PARP8: variants seen among roughly 807,000 people sequenced by gnomAD.
PARP8 encodes poly(ADP-ribose) polymerase family member 8.
PARP8 carries 51 observed loss-of-function variants against 124.1 expected under a neutral mutation model. That is an observed-to-expected ratio of 0.41 (90% CI 0.33 to 0.52). The LOEUF (loss-of-function observed/expected upper bound fraction) is 0.52, where lower values mean the gene tolerates loss of function less well. Among genes scored for constraint, PARP8 ranks in the 20% least tolerant of loss-of-function variants. The pLI, the probability that PARP8 is intolerant of heterozygous loss-of-function variation, is 0.21. For synonymous variants in PARP8, 391 were observed against 361.5 expected (o/e 1.08, Z -0.93); for missense variants, 860 against 1,018.9 (o/e 0.84, Z 2.12).
intron 2 of PARP8, among the ~76,000 whole-genome samples, chr5:50,701,965 A>G (rs1284191313): frequency 6.6e-6 from 1 of 152,178 alleles, no homozygotes; most frequent in Non-Finnish European, 1.5e-5. Flanking sequence ...TTGGGGAGTT[A>G]TAATCATTTT....
At chr5:50,785,300 G>T (rs1309997575) in intron 9 of PARP8, among the ~76,000 whole-genome samples, 1 of 151,980 alleles carries the variant, frequency 6.6e-6, no homozygotes, top group Non-Finnish European at 1.5e-5. Context: ...TTAATTTATA[G>T]GAATAATTTC....
Position 50,699,428 on chromosome 5 carries a change from C to T in PARP8, c.146+31303C>T, listed in dbSNP as rs139880850. Among the ~76,000 whole-genome samples the T allele has an allele frequency of 3.0e-3, 455 of 152,278 alleles. 2 individuals carry two copies. The highest frequency in any genetic ancestry group is 4.1e-3 in the Non-Finnish European group (281 of 68,002). ...TTTTACCATTTTCAAAGTATTTGTACGTAACACTTTCATATGTTTTTGTTT... is the reference window on the plus strand; with the variant it reads ...TTTTACCATTTTCAAAGTATTTGTATGTAACACTTTCATATGTTTTTGTTT... On this transcript the variant is annotated intron_variant, in intron 2 of 25. Transcript: ENST00000281631.
At chr5:50,748,752 T>G (rs1313287537) in intron 2 of PARP8, among the ~76,000 whole-genome samples, 2 of 152,242 alleles carry the variant, frequency 1.3e-5, no homozygotes, top group African/African-American at 4.8e-5. Context: ...CTGACTTCTT[T>G]TAGAATGTTT....
At chr5:50,744,586 T>A (rs191081220) in intron 2 of PARP8, 7 of 499,860 alleles carry the variant, frequency 1.4e-5, no homozygotes, top group African/African-American at 1.3e-4. Flanking sequence ...TTCAAAGTTG[T>A]GACTTTAAGA....
chr5:50,701,872 C>G (rs1431158846), intron 2 of PARP8, among the ~76,000 whole-genome samples: 1 of 151,978 alleles, frequency 6.6e-6, no homozygotes, highest in East Asian at 1.9e-4. Context: ...ACCTAAGATC[C>G]TTTTGTATCA....
intron 9 of PARP8, among the ~76,000 whole-genome samples, chr5:50,783,675 T>G (rs376304343): frequency 3.9e-5 from 6 of 152,284 alleles, no homozygotes; most frequent in African/African-American, 1.2e-4. Context: ...ATAACTTATT[T>G]TATGGACTTT....
At chr5:50,693,380 G>A (rs959109192) in intron 2 of PARP8, among the ~76,000 whole-genome samples, 9 of 152,154 alleles carry the variant, frequency 5.9e-5, no homozygotes, top group Non-Finnish European at 1.2e-4. Context: ...CTCTCCAGGT[G>A]TTGCTGATTG....
At chr5:50,778,029 T>A (rs1379424098) in intron 7 of PARP8, 40 bp from the exon 8 acceptor site, 18 of 1,454,240 alleles carry the variant, frequency 1.2e-5, no homozygotes, top group Non-Finnish European at 1.6e-5. Context: ...CTTTTAAGCA[T>A]CATTAAAATG....
In PARP8 at chr5:50,828,304, T is replaced by G. The variant is rs371291800; in HGVS notation, c.2091-8T>G. 6.9e-5 allele frequency: 111 copies of G among 1,612,536 alleles called. No individual in the cohort carries two copies. The highest frequency in any genetic ancestry group is 8.5e-5 in the Non-Finnish European group (100 of 1,179,274). ...GTTTTGCTTTTTCCTTTCCGTCTGTTTTTTTAGTGGCTCACACATTGAAAA... is the reference window on the plus strand; with the variant it reads ...GTTTTGCTTTTTCCTTTCCGTCTGTGTTTTTAGTGGCTCACACATTGAAAA... On this transcript the variant is annotated splice_region_variant and splice_polypyrimidine_tract_variant and intron_variant, in intron 20 of 25. Transcript: ENST00000281631.
intron 9 of PARP8, among the ~76,000 whole-genome samples, chr5:50,779,270 T>C (rs256340): frequency 0.15 from 22,430 of 152,032 alleles, 1,938 homozygotes; most frequent in African/African-American, 0.24. Context: ...TCCAGTTATC[T>C]AGTGTTACAT....
chr5:50,769,677 A>G (rs1247541380), intron 7 of PARP8, among the ~76,000 whole-genome samples: 1 of 151,322 alleles, frequency 6.6e-6, no homozygotes, highest in Non-Finnish European at 1.5e-5. Flanking sequence ...TATGCATTAT[A>G]TTATATAAAA....
intron 10 of PARP8, among the ~76,000 whole-genome samples, chr5:50,792,755 G>A (rs1009999174): frequency 9.2e-5 from 14 of 152,080 alleles, no homozygotes; most frequent in Non-Finnish European, 1.5e-4. Flanking sequence ...TGGAATCATG[G>A]CATCACTTAT....
chr5:50,786,113 A>T (rs1273851243), intron 9 of PARP8, among the ~76,000 whole-genome samples: 3 of 151,340 alleles, frequency 2.0e-5, no homozygotes, highest in Non-Finnish European at 4.4e-5. Context: ...GGACCCTAAC[A>T]CTCTGCTTCT....
intron 2 of PARP8, among the ~76,000 whole-genome samples, chr5:50,740,140 A>G (rs1757902529): frequency 6.6e-6 from 1 of 152,142 alleles, no homozygotes; most frequent in South Asian, 2.1e-4. Context: ...TGGAAATACA[A>G]TGGGAAGAAA....
At chr5:50,671,176 T>A (rs1237482952) in intron 2 of PARP8, among the ~76,000 whole-genome samples, 1 of 152,236 alleles carries the variant, frequency 6.6e-6, no homozygotes, top group Non-Finnish European at 1.5e-5. Context: ...TTATCTTCTG[T>A]CTCTTTCTGT....
chr5:50,670,749 A>T (rs1393395574), intron 2 of PARP8, among the ~76,000 whole-genome samples: 1 of 152,242 alleles, frequency 6.6e-6, no homozygotes, highest in Non-Finnish European at 1.5e-5. Flanking sequence ...GCTGCCATGT[A>T]AACCTGTTCC....
At chr5:50,677,702 C>A (rs984698506) in intron 2 of PARP8, among the ~76,000 whole-genome samples, 8 of 151,948 alleles carry the variant, frequency 5.3e-5, no homozygotes, top group African/African-American at 1.7e-4. Context: ...TTCCAGTATC[C>A]TCAATATTTG....
chr5:50,685,127 C>T (rs1191305540), intron 2 of PARP8, among the ~76,000 whole-genome samples: 1 of 152,154 alleles, frequency 6.6e-6, no homozygotes, highest in Non-Finnish European at 1.5e-5. Flanking sequence ...GCCAGGATTT[C>T]TGGAATGCCA....
rs141792113 is a variant in PARP8 at position 50,770,835 on chromosome 5, C to T, written c.519-7234C>T. On this transcript the variant is annotated intron_variant, in intron 7 of 25. Transcript: ENST00000281631. ...ACCTTCACAGAAAATGTTTGTGGTA[C>T]CCTGAACTAGAGGCAGAGATGAAAG... is the stretch of plus-strand genomic sequence containing the variant. Among the ~76,000 whole-genome samples the T allele has an allele frequency of 1.1e-4, 17 of 152,100 alleles. No individual in the cohort carries two copies. In the East Asian group the frequency reaches 3.3e-3, roughly 29 times the overall value.
Sources: allele counts gnomAD v4.1 joint callset (sites outside exome capture counted in the v4.1 genomes callset), GRCh38; gene constraint gnomAD v4.1.1; transcripts MANE v1.5; gene names NCBI Gene and HGNC (gene_info 2026-07-23, HGNC 2026-07-21).